The following PDE6H variants were observed in gnomAD, a reference collection of about 807,000 sequenced individuals.
The protein encoded by PDE6H is phosphodiesterase 6H, also known as retinal cone rhodopsin-sensitive cGMP 3',5'-cyclic phosphodiesterase subunit gamma.
Under a neutral mutation model 9.2 loss-of-function variants are expected in PDE6H, and 11 were observed. The observed-to-expected ratio is 1.19, with a 90% confidence interval of 0.75 to 1.97. The LOEUF (loss-of-function observed/expected upper bound fraction) is 1.97, where lower values mean the gene tolerates loss of function less well. Ranked by LOEUF, PDE6H falls within the 30% of genes most tolerant of loss-of-function variation. The pLI is 0.00. For synonymous variants in PDE6H, 36 were observed against 33.6 expected (o/e 1.07, Z -0.25); for missense variants, 98 against 101.5 (o/e 0.97, Z 0.15).
intron 1 of PDE6H, among the ~76,000 whole-genome samples, chr12:14,974,018 G>A (rs746597367): frequency 5.9e-5 from 9 of 152,160 alleles, no homozygotes; most frequent in Non-Finnish European, 1.0e-4. Context: ...AGTATGCCTT[G>A]AAATATTACT....
intron 1 of PDE6H, among the ~76,000 whole-genome samples, chr12:14,976,011 G>A (rs1006062274): frequency 2.0e-5 from 3 of 151,920 alleles, no homozygotes; most frequent in Admixed American, 6.6e-5. Context: ...TAGTAGAGAT[G>A]GGGTTTCACC....
At position 14,978,049 on chromosome 12, in the gene PDE6H, A is replaced by T; in HGVS notation, c.37A>T (p.Asn13Tyr). Reference protein sequence around the residue: ...DNTTLPAPASNQGPTTPRKGP... With the variant: ...DNTTLPAPASYQGPTTPRKGP... Reference sequence around the variant, plus strand: ...CACTACTCTGCCTGCTCCAGCTTCAAACCAGGGTCCTACCACCCCACGCAA... The same window carrying T: ...CACTACTCTGCCTGCTCCAGCTTCATACCAGGGTCCTACCACCCCACGCAA... The change falls in exon 2 of 4, where the codon AAC (asparagine) becomes TAC (tyrosine). Residue 13 changes from asparagine (N) to tyrosine (Y), a missense_variant. Coordinates refer to ENST00000266395, the MANE Select transcript of PDE6H (RefSeq NM_006205.3). 2 of 1,613,702 alleles carry T rather than the reference A, an allele frequency of 1.2e-6. No individual in the cohort carries two copies. Among genetic ancestry groups the T allele is most frequent in the South Asian group, 2.2e-5 (2 of 91,070 alleles).
chr12:14,977,102 A>G (rs1422500135), intron 1 of PDE6H, among the ~76,000 whole-genome samples: 2 of 152,232 alleles, frequency 1.3e-5, no homozygotes, highest in African/African-American at 2.4e-5. Flanking sequence ...GAAGAACCTT[A>G]TGTCTCGACG....
chr12:14,980,181 G>A (rs1162414238), intron 3 of PDE6H, among the ~76,000 whole-genome samples: 1 of 152,084 alleles, frequency 6.6e-6, no homozygotes, highest in Non-Finnish European at 1.5e-5. Context: ...TGTTCTTACT[G>A]TCTCTATAGT....
intron 1 of PDE6H, among the ~76,000 whole-genome samples, chr12:14,977,099 C>A (rs1164277846): frequency 6.6e-6 from 1 of 152,172 alleles, no homozygotes; most frequent in Non-Finnish European, 1.5e-5. Context: ...GCTGAAGAAC[C>A]TTATGTCTCG....
At chr12:14,975,261 A>C (rs1436248241) in intron 1 of PDE6H, among the ~76,000 whole-genome samples, 2 of 126,806 alleles carry the variant, frequency 1.6e-5, no homozygotes, top group African/African-American at 2.5e-5. Flanking sequence ...GAATTCCAGA[A>C]AAAAAATGAC....
At chr12:14,980,341 C>A (rs1864663450) in intron 3 of PDE6H, among the ~76,000 whole-genome samples, 4 of 152,172 alleles carry the variant, frequency 2.6e-5, no homozygotes, top group Admixed American at 2.6e-4. Flanking sequence ...GAATGATACT[C>A]CATTGTAGGG....
chr12:14,974,913 G>T (rs1864569412), intron 1 of PDE6H, among the ~76,000 whole-genome samples: 1 of 152,154 alleles, frequency 6.6e-6, no homozygotes, highest in African/African-American at 2.4e-5. Context: ...GCATATATTT[G>T]CCCTTTTTGA....
At chr12:14,976,970 T>C (rs1864605595) in intron 1 of PDE6H, among the ~76,000 whole-genome samples, 1 of 152,272 alleles carries the variant, frequency 6.6e-6, no homozygotes, top group South Asian at 2.1e-4. Flanking sequence ...TTTTCTTTGA[T>C]TTGTATTTGA....
chr12:14,979,062 A>T, intron 2 of PDE6H, 117 bp from the exon 3 acceptor site: 1 of 748,254 alleles, frequency 1.3e-6, no homozygotes, highest in Non-Finnish European at 2.4e-6. Context: ...AGTTTCTCAC[A>T]TACAAACACT....
chr12:14,974,722 C>T (rs1404105440), intron 1 of PDE6H, among the ~76,000 whole-genome samples: 3 of 152,178 alleles, frequency 2.0e-5, no homozygotes, highest in African/African-American at 4.8e-5. Flanking sequence ...AATAAGTTAA[C>T]AGTCGGGGTG....
chr12:14,981,688 C>A lies in PDE6H; in HGVS notation c.*212C>A. 2 of 611,674 alleles carry A rather than the reference C, an allele frequency of 3.3e-6. No individual in the cohort carries two copies. The highest frequency in any genetic ancestry group is 2.9e-6 in the Non-Finnish European group (1 of 341,238). 37.9% of individuals were successfully genotyped at this position (611,674 alleles called of 1,614,324 possible). A position where few individuals can be genotyped will look rare whatever the true frequency, so the allele number is the denominator to read the frequency against. ...AATAGTGGATGCATTTCAAACTTGA[C>A]CACCTTTTCCTACCAGCTAGTTAGA... On this transcript the variant is annotated 3_prime_UTR_variant, in exon 4 of 4. Transcript: ENST00000266395.
chr12:14,979,228 T>A lies in PDE6H; in HGVS notation c.175+9T>A, dbSNP rs747358132. 1 of 1,596,154 alleles carries A rather than the reference T, an allele frequency of 6.3e-7. No individual in the cohort carries two copies. The highest frequency in any genetic ancestry group is 1.7e-5 in the Admixed American group (1 of 59,998). ...GGAGGGGCTAGGAACAGGTAAGCCATCCACTGATTTAAGTGAGAACTTCGC... is the reference window on the plus strand; with the variant it reads ...GGAGGGGCTAGGAACAGGTAAGCCAACCACTGATTTAAGTGAGAACTTCGC... On this transcript the variant is annotated intron_variant, in intron 3 of 3. Transcript: ENST00000266395.
intron 1 of PDE6H, among the ~76,000 whole-genome samples, chr12:14,975,037 A>T (rs2120817989): frequency 6.6e-6 from 1 of 152,124 alleles, no homozygotes; most frequent in East Asian, 1.9e-4. Context: ...AGGATTATGA[A>T]ATTTATCCTA....
chr12:14,976,581 C>T (rs951270818), intron 1 of PDE6H, among the ~76,000 whole-genome samples: 1 of 151,948 alleles, frequency 6.6e-6, no homozygotes, highest in Non-Finnish European at 1.5e-5. Flanking sequence ...CCTAGCACTT[C>T]GGGAGGCTGA....
At chr12:14,973,139 G>C (rs1320735981) in intron 1 of PDE6H, 53 bp downstream of exon 1, 3 of 152,216 alleles carry the variant, frequency 2.0e-5, no homozygotes, top group South Asian at 2.1e-4. Context: ...GAAGGGCTTT[G>C]GGGGGTTGAT....
At chr12:14,975,894 C>G (rs1864587001) in intron 1 of PDE6H, among the ~76,000 whole-genome samples, 1 of 148,128 alleles carries the variant, frequency 6.8e-6, no homozygotes, top group African/African-American at 2.5e-5. Context: ...AATCTCAGCT[C>G]ACTGCAAACT....
At chr12:14,973,174 A>C (rs1864544884) in intron 1 of PDE6H, 88 bp downstream of exon 1, 1 of 152,240 alleles carries the variant, frequency 6.6e-6, no homozygotes, top group South Asian at 2.1e-4. Flanking sequence ...AAAATTGCAG[A>C]AGAAAACATG....
Position 14,981,576 on chromosome 12 carries a change from T to A in PDE6H, c.*100T>A. On this transcript the variant is annotated 3_prime_UTR_variant, in exon 4 of 4. Coordinates refer to ENST00000266395, the MANE Select transcript of PDE6H (RefSeq NM_006205.3). ...GTCTTGAAATTCAGCTGATTGGAAGTGGTTTCTTTGACTTTCAAGGTCATT... is the reference window on the plus strand; with the variant it reads ...GTCTTGAAATTCAGCTGATTGGAAGAGGTTTCTTTGACTTTCAAGGTCATT... The A allele has an allele frequency of 1.2e-6, 1 of 800,628 alleles. No individual in the cohort carries two copies. Among genetic ancestry groups the A allele is most frequent in the Non-Finnish European group, 2.2e-6 (1 of 453,188 alleles). The allele number at this position is 800,628 out of a possible 1,614,324, so 49.6% of individuals were successfully genotyped here. A position where few individuals can be genotyped will look rare whatever the true frequency, so the allele number is the denominator to read the frequency against.
Sources: allele counts gnomAD v4.1 joint callset (sites outside exome capture counted in the v4.1 genomes callset), GRCh38; gene constraint gnomAD v4.1.1; transcripts MANE v1.5; gene names NCBI Gene and HGNC (gene_info 2026-07-23, HGNC 2026-07-21).